BICD1: variants seen among roughly 807,000 people sequenced by gnomAD.
BICD1 encodes BICD cargo adaptor 1.
Under a neutral mutation model 92.5 loss-of-function variants are expected in BICD1, and 35 were observed. That is an observed-to-expected ratio of 0.38 (90% CI 0.29 to 0.50). BICD1 has a LOEUF of 0.50. Ranked by LOEUF, BICD1 falls within the 20% of genes least tolerant of loss-of-function variation. BICD1 has a pLI of 0.93. For missense variants in BICD1, 950 were observed against 1,189.8 expected (o/e 0.80, Z 2.97); for synonymous variants, 429 against 465.1 (o/e 0.92, Z 1.00).
chr12:32,272,945 G>T (rs1259974492), intron 2 of BICD1, among the ~76,000 whole-genome samples: 1 of 152,104 alleles, frequency 6.6e-6, no homozygotes, highest in Non-Finnish European at 1.5e-5. Context: ...GACTTTATTT[G>T]GTTTTAAAAG....
intron 2 of BICD1, among the ~76,000 whole-genome samples, chr12:32,293,635 C>T (rs1175078711): frequency 6.6e-6 from 1 of 151,954 alleles, no homozygotes; most frequent in Non-Finnish European, 1.5e-5. Flanking sequence ...CGGCCTTTCT[C>T]GTTTCTTAAA....
intron 1 of BICD1, among the ~76,000 whole-genome samples, chr12:32,190,756 C>T (rs527845802): frequency 3.5e-4 from 54 of 152,272 alleles, no homozygotes; most frequent in South Asian, 6.2e-4. Flanking sequence ...ACCTAACAGA[C>T]ATACACAGAC....
intron 8 of BICD1, among the ~76,000 whole-genome samples, chr12:32,363,396 A>G (rs1361513606): frequency 2.0e-5 from 3 of 152,190 alleles, no homozygotes; most frequent in African/African-American, 4.8e-5. Flanking sequence ...AAAAAAATAC[A>G]TAAATAATCT....
intron 1 of BICD1, among the ~76,000 whole-genome samples, chr12:32,177,930 A>T (rs1944164486): frequency 6.6e-6 from 1 of 151,032 alleles, no homozygotes; most frequent in Non-Finnish European, 1.5e-5. Context: ...TGTGTTTAGA[A>T]TGTATGTTAA....
chr12:32,283,405 G>A (rs1947473246), intron 2 of BICD1, among the ~76,000 whole-genome samples: 1 of 130,254 alleles, frequency 7.7e-6, no homozygotes, highest in Non-Finnish European at 1.7e-5. Flanking sequence ...GCCTCTCCAC[G>A]AGTTACAGCT....
chr12:32,241,574 A>G (rs1175129819), intron 2 of BICD1, among the ~76,000 whole-genome samples: 1 of 152,200 alleles, frequency 6.6e-6, no homozygotes, highest in African/African-American at 2.4e-5. Context: ...GTGTATGGTT[A>G]TGCATGTCCT....
intron 5 of BICD1, chr12:32,332,907 G>C: frequency 1.0e-6 from 1 of 985,412 alleles, no homozygotes; most frequent in Non-Finnish European, 1.2e-6. Flanking sequence ...GGAGAAAGTG[G>C]TGAAAGCAGA....
intron 2 of BICD1, among the ~76,000 whole-genome samples, chr12:32,286,633 G>T (rs1947575760): frequency 6.6e-6 from 1 of 152,282 alleles, no homozygotes; most frequent in East Asian, 1.9e-4. Flanking sequence ...TTATTTTGAA[G>T]ATTTAGGTGT....
intron 1 of BICD1, among the ~76,000 whole-genome samples, chr12:32,194,885 A>G (rs1330913581): frequency 6.6e-6 from 1 of 151,278 alleles, no homozygotes; most frequent in East Asian, 1.9e-4. Flanking sequence ...TCCATCCCAA[A>G]AAATAAAATA....
intron 2 of BICD1, among the ~76,000 whole-genome samples, chr12:32,234,362 C>A (rs1204458614): frequency 6.6e-6 from 1 of 152,098 alleles, no homozygotes; most frequent in Non-Finnish European, 1.5e-5. Flanking sequence ...CTTTGGGAGG[C>A]CGAGGCGGGC....
chr12:32,281,694 A>G (rs1314739768), intron 2 of BICD1, among the ~76,000 whole-genome samples: 1 of 152,038 alleles, frequency 6.6e-6, no homozygotes, highest in African/African-American at 2.4e-5. Context: ...TGCTTTGTAG[A>G]TATCCTTTTT....
At chr12:32,307,665 T>G (rs950080474) in intron 4 of BICD1, among the ~76,000 whole-genome samples, 1 of 152,136 alleles carries the variant, frequency 6.6e-6, no homozygotes, top group African/African-American at 2.4e-5. Context: ...ACTGGAAAAG[T>G]GAAATTAGCA....
At chr12:32,172,316 C>T (rs1565563442) in intron 1 of BICD1, among the ~76,000 whole-genome samples, 2 of 152,146 alleles carry the variant, frequency 1.3e-5, no homozygotes. Flanking sequence ...GACAAGTTTC[C>T]TTCACTCAAA....
At chr12:32,356,278 A>G (rs554229563) in intron 8 of BICD1, among the ~76,000 whole-genome samples, 1 of 152,306 alleles carries the variant, frequency 6.6e-6, no homozygotes, top group Admixed American at 6.5e-5. Context: ...TATCTAAAAG[A>G]GAGACAGAGA....
chr12:32,326,902 C>T (rs1249148814), intron 4 of BICD1, among the ~76,000 whole-genome samples: 1 of 152,098 alleles, frequency 6.6e-6, no homozygotes, highest in African/African-American at 2.4e-5. Context: ...TAAAAACTAT[C>T]AAATGTAGTG....
chr12:32,374,422 T>G (rs1221519638), intron 9 of BICD1, among the ~76,000 whole-genome samples: 2 of 151,754 alleles, frequency 1.3e-5, no homozygotes, highest in Non-Finnish European at 2.9e-5. Flanking sequence ...GTCTAAGTCA[T>G]GCATATTTGC....
chr12:32,310,349 T>G (rs1431685838), intron 4 of BICD1, among the ~76,000 whole-genome samples: 2 of 152,210 alleles, frequency 1.3e-5, no homozygotes, highest in Non-Finnish European at 2.9e-5. Flanking sequence ...TTTCCAAAAA[T>G]GACATTGTGG....
At chr12:32,165,326 T>C (rs2121512330) in intron 1 of BICD1, among the ~76,000 whole-genome samples, 1 of 152,178 alleles carries the variant, frequency 6.6e-6, no homozygotes, top group Admixed American at 6.5e-5. Flanking sequence ...CCATCCTGGC[T>C]AACACGGTGA....
chr12:32,321,041 T>G (rs1255458477), intron 4 of BICD1, among the ~76,000 whole-genome samples: 1 of 152,114 alleles, frequency 6.6e-6, no homozygotes, highest in Non-Finnish European at 1.5e-5. Flanking sequence ...CTAAAACAAT[T>G]TAGGCCAGGT....
Sources: gnomAD v4.1 joint callset for allele counts (sites outside exome capture counted in the v4.1 genomes callset) on GRCh38, gnomAD v4.1.1 for gene constraint, MANE v1.5 for transcripts, NCBI Gene and HGNC (gene_info 2026-07-23, HGNC 2026-07-21) for gene names.